The following RALYL variants were observed in gnomAD, a reference collection of about 807,000 sequenced individuals.
The protein encoded by RALYL is RNA-binding Raly-like protein.
A neutral mutation model predicts 35.1 loss-of-function variants in RALYL; 29 were observed. That is an observed-to-expected ratio of 0.83 (90% CI 0.61 to 1.13). The LOEUF is 1.13. Among genes scored for constraint, RALYL ranks in the 50% most tolerant of loss-of-function variants. The pLI is 0.00. For synonymous variants in RALYL, 120 were observed against 127.6 expected, an observed-to-expected ratio of 0.94 and a Z score of 0.40; for missense variants, 359 against 360.4, an observed-to-expected ratio of 1.00 and a Z score of 0.03.
At chr8:84,206,580 G>C (rs1818107891) in intron 1 of RALYL, among the ~76,000 whole-genome samples, 1 of 152,168 alleles carries the variant, frequency 6.6e-6, no homozygotes, top group Non-Finnish European at 1.5e-5. Flanking sequence ...GAGGTATGAG[G>C]TGTCTCTAGA....
At chr8:84,340,339 A>G (rs1848581025) in intron 1 of RALYL, among the ~76,000 whole-genome samples, 1 of 152,120 alleles carries the variant, frequency 6.6e-6, no homozygotes, top group Non-Finnish European at 1.5e-5. Flanking sequence ...TGTAAAATAC[A>G]GTGTTATTAA....
intron 1 of RALYL, among the ~76,000 whole-genome samples, chr8:84,478,857 C>A (rs1391585534): frequency 6.7e-6 from 1 of 149,340 alleles, no homozygotes; most frequent in Non-Finnish European, 1.5e-5. Flanking sequence ...GAGGCGGAGG[C>A]GGGCGGATCA....
chr8:84,765,598 T>C (rs1214900898), intron 2 of RALYL, among the ~76,000 whole-genome samples: 2 of 152,188 alleles, frequency 1.3e-5, no homozygotes, highest in African/African-American at 4.8e-5. Flanking sequence ...TCTCAACTAA[T>C]AATAACTACC....
intron 2 of RALYL, among the ~76,000 whole-genome samples, chr8:84,714,165 T>A (rs571092213): frequency 6.6e-6 from 1 of 151,900 alleles, no homozygotes; most frequent in East Asian, 1.9e-4. Context: ...AGATAAATAC[T>A]GTGTCATCTC....
rs890790835 is a variant in RALYL at position 84,613,629 on chromosome 8, G to A, written c.256+84052G>A. On this transcript the variant is annotated intron_variant, in intron 2 of 8. Transcript: ENST00000521268. The stretch of plus-strand genomic sequence containing the variant: ...TAACTGAAGTAGGCAGAAATTCAAT[G>A]TAGATATAATAGGTAATATCCATTT... Among the ~76,000 whole-genome samples the A allele has an allele frequency of 4.6e-5, 7 of 151,364 alleles. 1 individual carries two copies. Among genetic ancestry groups the A allele is most frequent in the African/African-American group, 1.5e-4 (6 of 40,950 alleles).
chr8:84,250,270 G>A (rs1048120040), intron 1 of RALYL, among the ~76,000 whole-genome samples: 12 of 152,126 alleles, frequency 7.9e-5, no homozygotes, highest in African/African-American at 2.9e-4. Flanking sequence ...ATGGTACTAA[G>A]AAAAGCTTCA....
chr8:84,220,605 T>G (rs929317944), intron 1 of RALYL, among the ~76,000 whole-genome samples: 5 of 152,154 alleles, frequency 3.3e-5, no homozygotes, highest in Non-Finnish European at 2.9e-5. Context: ...CATCAGAACA[T>G]AATTTTTATG....
At chr8:84,739,367 G>A (rs546085305) in intron 2 of RALYL, among the ~76,000 whole-genome samples, 1 of 151,468 alleles carries the variant, frequency 6.6e-6, no homozygotes, top group South Asian at 2.1e-4. Flanking sequence ...AAAAAAACTA[G>A]GAAAAATTAA....
intron 2 of RALYL, among the ~76,000 whole-genome samples, chr8:84,702,526 C>CTG (rs1472553006): frequency 5.0e-5 from 7 of 139,200 alleles, no homozygotes; most frequent in African/African-American, 1.9e-4. Flanking sequence ...CATAGTCTCT[C>CTG]TCTCTCTCTC....
chr8:84,385,557 G>C (rs1356895845), intron 1 of RALYL, among the ~76,000 whole-genome samples: 4 of 151,774 alleles, frequency 2.6e-5, no homozygotes, highest in African/African-American at 9.7e-5. Context: ...TGTCTTGGGT[G>C]TAAAAGCCAC....
chr8:84,686,063 T>C (rs926114925), intron 2 of RALYL, among the ~76,000 whole-genome samples: 1 of 152,184 alleles, frequency 6.6e-6, no homozygotes, highest in Non-Finnish European at 1.5e-5. Flanking sequence ...CTGGTGCAGT[T>C]TTTTTGCATT....
At chr8:84,440,853 A>G (rs538580088) in intron 1 of RALYL, among the ~76,000 whole-genome samples, 44 of 152,112 alleles carry the variant, frequency 2.9e-4, no homozygotes, top group Non-Finnish European at 5.2e-4. Flanking sequence ...TTAGGTGAAC[A>G]TAAGTTTTCA....
At position 84,222,210 on chromosome 8, in the gene RALYL, A is replaced by T. The variant is rs573329666; in HGVS notation, c.-24+37786A>T. Among the ~76,000 whole-genome samples, 10 of 152,276 alleles carry T rather than the reference A, an allele frequency of 6.6e-5. No individual in the cohort carries two copies. In the East Asian group the frequency reaches 1.9e-3, roughly 29 times the overall value. On this transcript the variant is annotated intron_variant, in intron 1 of 8. Transcript: ENST00000521268. ...AATAATTAAAGAAAATAAATTAAAA[A>T]TTGATTGCAAGTGTAAGTTGAAATT...
intron 1 of RALYL, among the ~76,000 whole-genome samples, chr8:84,235,677 C>T (rs148179807): frequency 1.6e-4 from 25 of 151,722 alleles, no homozygotes; most frequent in African/African-American, 5.8e-4. Flanking sequence ...ATTTTTAGTA[C>T]ATACTATGTT....
At chr8:84,677,825 A>G (rs932302283) in intron 2 of RALYL, among the ~76,000 whole-genome samples, 4 of 152,220 alleles carry the variant, frequency 2.6e-5, no homozygotes, top group Non-Finnish European at 5.9e-5. Flanking sequence ...CAATGCATGT[A>G]CTTCTAGTCT....
intron 1 of RALYL, among the ~76,000 whole-genome samples, chr8:84,466,472 C>T (rs1018178607): frequency 4.6e-5 from 7 of 151,166 alleles, no homozygotes; most frequent in East Asian, 1.9e-4. Context: ...TTGAACCAGC[C>T]TTGCATCCCA....
chr8:84,251,876 G>A (rs1830263453), intron 1 of RALYL, among the ~76,000 whole-genome samples: 1 of 151,686 alleles, frequency 6.6e-6, no homozygotes, highest in Non-Finnish European at 1.5e-5. Flanking sequence ...TTGGGGGGAA[G>A]TTTTAGAAAG....
intron 1 of RALYL, among the ~76,000 whole-genome samples, chr8:84,342,356 C>G (rs1849018834): frequency 7.1e-6 from 1 of 141,204 alleles, no homozygotes; most frequent in Non-Finnish European, 1.5e-5. Flanking sequence ...GGCCTACACA[C>G]ATTAATCGTC....
chr8:84,335,118 G>A (rs934065638), intron 1 of RALYL, among the ~76,000 whole-genome samples: 8 of 152,144 alleles, frequency 5.3e-5, no homozygotes, highest in Admixed American at 5.2e-4. Flanking sequence ...TGTTGCAGTG[G>A]CTGGCATTGC....
Sources: gnomAD v4.1 joint callset for allele counts (sites outside exome capture counted in the v4.1 genomes callset) on GRCh38, gnomAD v4.1.1 for gene constraint, MANE v1.5 for transcripts, NCBI Gene and HGNC (gene_info 2026-07-23, HGNC 2026-07-21) for gene names.